SCN10A: variants seen among roughly 807,000 people sequenced by gnomAD.
SCN10A encodes sodium voltage-gated channel alpha subunit 10, also known as sodium channel protein type 10 subunit alpha.
In SCN10A, 162 loss-of-function variants were observed where a neutral mutation model predicts 170.7. The observed-to-expected ratio is 0.95, with a 90% CI of 0.84 to 1.08. The LOEUF (loss-of-function observed/expected upper bound fraction) is 1.08. SCN10A is among the 50% of genes least tolerant of loss of function. The pLI is 0.00. For missense variants in SCN10A, 2,527 were observed against 2,436.9 expected (o/e 1.04, Z -0.78); for synonymous variants, 985 against 904.6 (o/e 1.09, Z -1.59).
rs1004607776 is a variant in SCN10A at position 38,760,590 on chromosome 3, C to G, written c.950+91G>C. ...TTTATTTATACATCTTTCCCAGGAC[C>G]TGCAACCCCATCTGTGCCCATAATA... is the stretch of plus-strand genomic sequence containing the variant. On this transcript the variant is annotated intron_variant, in intron 8 of 27. Coordinates refer to ENST00000449082, the MANE Select transcript of SCN10A (RefSeq NM_006514.4). 15 of 1,001,684 alleles carry G rather than the reference C, an allele frequency of 1.5e-5. No homozygotes were observed. The African/African-American group carries it at 1.6e-4, about 11-fold the overall frequency. 62.0% of individuals were successfully genotyped at this position (1,001,684 alleles called of 1,614,324 possible).
At chr3:38,723,575 C>T in intron 18 of SCN10A, 22 bp from the exon 19 acceptor site, 1 of 1,567,030 alleles carries the variant, frequency 6.4e-7, no homozygotes, top group Non-Finnish European at 8.7e-7. Flanking sequence ...AAGCCCAGGG[C>T]AGTGAACTCG....
intron 20 of SCN10A, 54 bp downstream of exon 20, chr3:38,722,204 T>C: frequency 1.3e-6 from 2 of 1,551,262 alleles, no homozygotes; most frequent in South Asian, 2.4e-5. Context: ...GCCTTTGGAT[T>C]GTAGGAGATT....
chr3:38,802,814 T>G (rs2064380680), intron 1 of SCN10A, among the ~76,000 whole-genome samples: 2 of 152,032 alleles, frequency 1.3e-5, no homozygotes, highest in Admixed American at 1.3e-4. Context: ...CTAATTAAAC[T>G]AAAGAGCTTC....
At chr3:38,700,015 T>C (rs2063140439) in intron 27 of SCN10A, among the ~76,000 whole-genome samples, 1 of 152,254 alleles carries the variant, frequency 6.6e-6, no homozygotes, top group South Asian at 2.1e-4. Context: ...TACTTGGCTA[T>C]GTTTTATTTC....
At chr3:38,780,753 G>C (rs1467894378) in intron 4 of SCN10A, among the ~76,000 whole-genome samples, 2 of 151,800 alleles carry the variant, frequency 1.3e-5, no homozygotes, top group African/African-American at 4.8e-5. Context: ...TTTCTTATTT[G>C]AGTTCAAAAT....
At chr3:38,719,230 A>G (rs977050213) in intron 20 of SCN10A, among the ~76,000 whole-genome samples, 5 of 152,248 alleles carry the variant, frequency 3.3e-5, no homozygotes, top group Non-Finnish European at 5.9e-5. Context: ...CACACCTCTG[A>G]AAAAGAATGT....
chr3:38,780,567 T>A (rs1176112759), intron 4 of SCN10A, among the ~76,000 whole-genome samples: 1 of 152,154 alleles, frequency 6.6e-6, no homozygotes, highest in African/African-American at 2.4e-5. Context: ...TTTTGCATTG[T>A]TGAAATTTGC....
chr3:38,737,072 G>T (rs983091094), intron 15 of SCN10A, among the ~76,000 whole-genome samples: 1 of 135,766 alleles, frequency 7.4e-6, no homozygotes, highest in Admixed American at 8.3e-5. Context: ...CCAGGTTCAC[G>T]CCATTCTCCT....
intron 3 of SCN10A, among the ~76,000 whole-genome samples, chr3:38,791,692 G>A (rs1234758075): frequency 6.6e-6 from 1 of 152,204 alleles, no homozygotes; most frequent in African/African-American, 2.4e-5. Flanking sequence ...CTTACTGCCT[G>A]TTGTGTTGTG....
rs777299593 is a variant in SCN10A, at chr3:38,788,950, A to G, written c.470+6T>C. ...ATGGTACAATAATGATAGCAAATCTACTCACTCAATTTTCTCTGGAAGGTC... is the reference window on the plus strand; with the variant it reads ...ATGGTACAATAATGATAGCAAATCTGCTCACTCAATTTTCTCTGGAAGGTC... On this transcript the variant is annotated splice_donor_region_variant and intron_variant, in intron 4 of 27. Coordinates refer to ENST00000449082, the MANE Select transcript of SCN10A (RefSeq NM_006514.4). The G allele has an allele frequency of 1.3e-6, 2 of 1,543,194 alleles. No individual in the cohort carries two copies. Among genetic ancestry groups the G allele is most frequent in the East Asian group, 4.5e-5 (2 of 44,456 alleles).
intron 20 of SCN10A, among the ~76,000 whole-genome samples, chr3:38,719,693 A>G (rs1006541140): frequency 6.6e-6 from 1 of 151,824 alleles, no homozygotes; most frequent in Non-Finnish European, 1.5e-5. Flanking sequence ...GCGCCCGGCC[A>G]CTCTTACAAG....
chr3:38,717,371 G>T (rs767296018), intron 21 of SCN10A, among the ~76,000 whole-genome samples: 22 of 152,252 alleles, frequency 1.4e-4, no homozygotes, highest in African/African-American at 4.8e-4. Context: ...GTGCATGACC[G>T]TTTAAGGTGA....
chr3:38,715,141 T>A (rs2063321852), intron 21 of SCN10A, among the ~76,000 whole-genome samples: 2 of 152,234 alleles, frequency 1.3e-5, no homozygotes, highest in South Asian at 4.1e-4. Context: ...GAGACCCAGC[T>A]GCCTGGGTGC....
At chr3:38,812,111 C>T (rs573332297) in intron 1 of SCN10A, among the ~76,000 whole-genome samples, 8 of 152,276 alleles carry the variant, frequency 5.3e-5, no homozygotes, top group South Asian at 2.1e-4. Context: ...AGGCAGCCAG[C>T]GCTTTTAAAA....
At position 38,713,955 on chromosome 3, in the gene SCN10A, T is replaced by G; in HGVS notation, c.3804+3A>C. 1 of 1,613,126 alleles carries G rather than the reference T, an allele frequency of 6.2e-7. No homozygotes were observed. The highest frequency in any genetic ancestry group is 8.5e-7 in the Non-Finnish European group (1 of 1,180,006). ...ATGAGAGAAGTTTTGAGATCAGACT[T>G]ACCCGCATGCCTTCAAATCGAGAAA... On this transcript the variant is annotated splice_donor_region_variant and intron_variant, in intron 22 of 27. Coordinates refer to ENST00000449082, the MANE Select transcript of SCN10A (RefSeq NM_006514.4).
intron 24 of SCN10A, among the ~76,000 whole-genome samples, chr3:38,710,390 AG>A (rs1250030323): frequency 6.6e-6 from 1 of 152,120 alleles, no homozygotes; most frequent in Non-Finnish European, 1.5e-5. Context: ...TCCTGAGCTC[AG>A]GCAATCTGCC....
intron 1 of SCN10A, among the ~76,000 whole-genome samples, chr3:38,799,720 A>G (rs563879242): frequency 5.7e-4 from 85 of 150,116 alleles, no homozygotes; most frequent in Admixed American, 1.0e-3. Context: ...TTCTCATATA[A>G]AGTTTTTCTT....
chr3:38,763,680 T>G, intron 5 of SCN10A, 84 bp from the exon 6 acceptor site: 12 of 975,804 alleles, frequency 1.2e-5, no homozygotes, highest in Non-Finnish European at 1.6e-5. Flanking sequence ...ACCTGGGGTA[T>G]CATTAGCCTA....
At chr3:38,728,491 G>A in intron 16 of SCN10A, 51 bp downstream of exon 16, 2 of 1,503,186 alleles carry the variant, frequency 1.3e-6, no homozygotes, top group Non-Finnish European at 1.8e-6. Flanking sequence ...TAACCCAGAA[G>A]CCTTCTCCTT....
Sources: gnomAD v4.1 joint callset for allele counts (sites outside exome capture counted in the v4.1 genomes callset) on GRCh38, gnomAD v4.1.1 for gene constraint, MANE v1.5 for transcripts, NCBI Gene and HGNC (gene_info 2026-07-23, HGNC 2026-07-21) for gene names.